GDI2: variants seen among roughly 807,000 people sequenced by gnomAD.
The protein encoded by GDI2 is rab GDP dissociation inhibitor beta.
GDI2 carries 22 observed loss-of-function variants against 54.2 expected under a neutral mutation model. The ratio of observed to expected loss-of-function variants is 0.41; its 90% CI spans 0.29 to 0.58. GDI2 has a LOEUF of 0.58. GDI2 is among the 20% of genes least tolerant of loss of function. The pLI is 0.35. For missense variants in GDI2, 422 were observed against 546.0 expected (o/e 0.77, Z 2.26); for synonymous variants, 177 against 182.1 (o/e 0.97, Z 0.23).
At chr10:5,810,598 C>T (rs548420174) in intron 1 of GDI2, among the ~76,000 whole-genome samples, 105 of 152,180 alleles carry the variant, frequency 6.9e-4, no homozygotes, top group Non-Finnish European at 1.1e-3. Context: ...CATGGCTTCA[C>T]CATGTTACAG....
intron 1 of GDI2, among the ~76,000 whole-genome samples, chr10:5,812,508 G>A (rs1017469181): frequency 3.3e-5 from 5 of 152,140 alleles, no homozygotes; most frequent in Admixed American, 3.3e-4. Flanking sequence ...AGGAAAAGGC[G>A]GCGAAGGTCA....
chr10:5,785,786 T>G (rs997988718), intron 5 of GDI2, 66 bp downstream of exon 5: 3 of 967,004 alleles, frequency 3.1e-6, no homozygotes, highest in Non-Finnish European at 4.9e-6. Context: ...AATTTCCACT[T>G]GGAAGACTTG....
intron 4 of GDI2, among the ~76,000 whole-genome samples, chr10:5,792,887 G>A (rs1841047542): frequency 6.8e-6 from 1 of 147,380 alleles, no homozygotes; most frequent in Admixed American, 6.9e-5. Context: ...GATGAAGGAG[G>A]TAACTGAAGC....
rs34959016 is a variant in GDI2, at chr10:5,765,768, GA to G, written c.*237del. 9.8e-4 allele frequency: 305 copies of G among 310,208 alleles called. 1 individual carries two copies. The highest frequency in any genetic ancestry group is 3.7e-3 in the Middle Eastern group (4 of 1,082). 19.2% of individuals were successfully genotyped at this position (310,208 alleles called of 1,614,324 possible). ...TCCCAATGTTTGTTTAACTTCACTA[GA>G]AAAAAAAAAAGCCAGTTTGGTTAAA... On this transcript the variant is annotated 3_prime_UTR_variant, in exon 11 of 11. Coordinates refer to ENST00000380191, the MANE Select transcript of GDI2 (RefSeq NM_001494.4).
chr10:5,782,938 A>G (rs1840793556), intron 6 of GDI2, among the ~76,000 whole-genome samples: 1 of 152,258 alleles, frequency 6.6e-6, no homozygotes, highest in South Asian at 2.1e-4. Flanking sequence ...CATCTCCAAA[A>G]AAAAGAATTA....
chr10:5,788,373 G>A (rs763071135), intron 4 of GDI2, among the ~76,000 whole-genome samples: 2 of 151,968 alleles, frequency 1.3e-5, no homozygotes, highest in Admixed American at 6.6e-5. Flanking sequence ...TATTTAAAGC[G>A]TCCTTCTCAC....
chr10:5,799,454 C>T (rs1375825740), intron 2 of GDI2, among the ~76,000 whole-genome samples: 1 of 151,890 alleles, frequency 6.6e-6, no homozygotes, highest in Non-Finnish European at 1.5e-5. Context: ...GGGTTCCAGA[C>T]CAGCCTGGCC....
Position 5,768,160 on chromosome 10 carries a change from G to A in GDI2, c.991+53C>T, listed in dbSNP as rs1840402561. 1 of 1,474,140 alleles carries A rather than the reference G, an allele frequency of 6.8e-7. No homozygotes were observed. The allele number at this position is 1,474,140 out of a possible 1,614,324, so 91.3% of individuals were successfully genotyped here. On this transcript the variant is annotated intron_variant, in intron 8 of 10. Transcript: ENST00000380191. This position sits in a 1 kb window ranked among gnomAD's most constrained non-coding sequence, Gnocchi z 4.4. Reference sequence around the variant, plus strand: ...TTAGGAATTTGGGATAAAACACAAAGCAAATTATATCTTACAAAATTCTAC... The same window carrying A: ...TTAGGAATTTGGGATAAAACACAAAACAAATTATATCTTACAAAATTCTAC...
chr10:5,798,852 G>A (rs1037370147), intron 2 of GDI2, among the ~76,000 whole-genome samples: 2 of 107,184 alleles, frequency 1.9e-5, no homozygotes, highest in Non-Finnish European at 3.7e-5. Context: ...GTCCACACCT[G>A]TAATCCCAGC....
chr10:5,786,165 ATTTTTTTTT>A (rs35328258), intron 4 of GDI2, 115 bp from the exon 5 acceptor site: 2 of 385,996 alleles, frequency 5.2e-6, no homozygotes, highest in Admixed American at 9.8e-5. Context: ...GCAGGATGCA[ATTTTTTTTT>A]TTTTTTTTTT....
In GDI2 at chr10:5,803,164, C is replaced by G. The variant is rs143667349; in HGVS notation, c.46-2459G>C. 1.1e-3 allele frequency among the ~76,000 whole-genome samples: 164 copies of G among 152,296 alleles called. 3 individuals are homozygous for G. The East Asian group carries it at 0.023, about 21-fold the overall frequency. On this transcript the variant is annotated intron_variant, in intron 1 of 10. Transcript: ENST00000380191. Reference sequence around the variant, plus strand: ...ACGTGAAATATTGATAGTCTTCTCACAATTTTGTTTTAGAAAATATACTCA... The same window carrying G: ...ACGTGAAATATTGATAGTCTTCTCAGAATTTTGTTTTAGAAAATATACTCA...
chr10:5,795,679 C>T (rs1307962740), intron 3 of GDI2, among the ~76,000 whole-genome samples: 2 of 152,008 alleles, frequency 1.3e-5, no homozygotes, highest in East Asian at 3.9e-4. Context: ...CCTGTAATCC[C>T]AGCACTTTGG....
chr10:5,785,766 G>T, intron 5 of GDI2, 86 bp downstream of exon 5: 2 of 822,158 alleles, frequency 2.4e-6, no homozygotes, highest in South Asian at 1.5e-5. Context: ...CTAAGTATTT[G>T]TTTTGTTAGA....
Position 5,766,653 on chromosome 10 carries a change from T to C in GDI2, c.992-15A>G, listed in dbSNP as rs75735754. 7.3e-4 allele frequency: 1,172 copies of C among 1,610,714 alleles called. 5 individuals are homozygous for C. In the African/African-American group the frequency reaches 0.011, roughly 15 times the overall value. On this transcript the variant is annotated splice_polypyrimidine_tract_variant and intron_variant, in intron 8 of 10. Coordinates refer to ENST00000380191, the MANE Select transcript of GDI2 (RefSeq NM_001494.4). This position sits in a 1 kb window ranked among gnomAD's most constrained non-coding sequence, Gnocchi z 5.8. Reference sequence around the variant, plus strand: ...GACGTAGATATCTAGAAACAAATGATACCAGCTCACTGCCTCAAGTGTCTC... The same window carrying C: ...GACGTAGATATCTAGAAACAAATGACACCAGCTCACTGCCTCAAGTGTCTC...
At chr10:5,778,588 C>T (rs777469221) in intron 6 of GDI2, among the ~76,000 whole-genome samples, 10 of 152,056 alleles carry the variant, frequency 6.6e-5, no homozygotes, top group Non-Finnish European at 1.0e-4. Context: ...ATTAGTTATG[C>T]TTTTTTAAAC....
At position 5,806,939 on chromosome 10, in the gene GDI2, C is replaced by T. The variant is rs559926810; in HGVS notation, c.46-6234G>A. Among the ~76,000 whole-genome samples, 195 of 152,028 alleles carry T rather than the reference C, an allele frequency of 1.3e-3. 1 individual carries two copies. Among genetic ancestry groups the T allele is most frequent in the Non-Finnish European group, 2.5e-3 (169 of 68,014 alleles). On this transcript the variant is annotated intron_variant, in intron 1 of 10. Coordinates refer to ENST00000380191, the MANE Select transcript of GDI2 (RefSeq NM_001494.4). ...TAAGCATGACCCACTGGACTATGGC[C>T]GTAAAGCAAGCACTGAGGCCTAAAA...
Position 5,776,407 on chromosome 10 carries a change from A to G in GDI2, c.720-2466T>C. On this transcript the variant is annotated intron_variant, in intron 6 of 10. Coordinates refer to ENST00000380191, the MANE Select transcript of GDI2 (RefSeq NM_001494.4). This position sits in a 1 kb window ranked among gnomAD's most constrained non-coding sequence, Gnocchi z 5.3. ...CCTTTCACAGAGAAATGCCTGCCTG[A>G]GATTCAAGGGATCTTTGACAGGGAT... The G allele has an allele frequency of 1.3e-6, 1 of 770,556 alleles. No individual in the cohort carries two copies. Among genetic ancestry groups the G allele is most frequent in the Non-Finnish European group, 2.3e-6 (1 of 427,456 alleles). The allele number at this position is 770,556 out of a possible 1,614,324, so 47.7% of individuals were successfully genotyped here. A position where few individuals can be genotyped will look rare whatever the true frequency, so the allele number is the denominator to read the frequency against.
Position 5,813,353 on chromosome 10 carries a change from G to A in GDI2, c.-95C>T. On this transcript the variant is annotated 5_prime_UTR_variant, in exon 1 of 11. Transcript: ENST00000380191. ...GCTGGGAGGCGCTCTTGGGCGCGAAGGAAAGGGGAAGAGAAAGAGAGGAAA... is the reference window on the plus strand; with the variant it reads ...GCTGGGAGGCGCTCTTGGGCGCGAAAGAAAGGGGAAGAGAAAGAGAGGAAA... 2.3e-6 allele frequency: 2 copies of A among 875,406 alleles called. No individual in the cohort carries two copies. The highest frequency in any genetic ancestry group is 2.9e-5 in the East Asian group (1 of 34,466). 54.2% of individuals were successfully genotyped at this position (875,406 alleles called of 1,614,324 possible). A position where few individuals can be genotyped will look rare whatever the true frequency, so the allele number is the denominator to read the frequency against.
intron 2 of GDI2, among the ~76,000 whole-genome samples, chr10:5,799,159 CAG>C (rs1345119621): frequency 6.6e-6 from 1 of 151,140 alleles, no homozygotes; most frequent in African/African-American, 2.4e-5. Context: ...CTGGGCAACA[CAG>C]AGAGACCCCA....
Sources: allele counts gnomAD v4.1 joint callset (sites outside exome capture counted in the v4.1 genomes callset), GRCh38; gene constraint gnomAD v4.1.1; non-coding constraint Gnocchi (gnomAD v3.1); transcripts MANE v1.5; gene names NCBI Gene and HGNC (gene_info 2026-07-23, HGNC 2026-07-21).